Variants in PARD3B observed in about 807,000 individuals in gnomAD.
PARD3B encodes the protein par-3 family cell polarity regulator beta.
In PARD3B, 103 loss-of-function variants were observed where a neutral mutation model predicts 130.2. The ratio of observed to expected loss-of-function variants is 0.79; its 90% confidence interval spans 0.67 to 0.93. The LOEUF (loss-of-function observed/expected upper bound fraction) is 0.93, where lower values mean the gene tolerates loss of function less well. PARD3B is among the 40% of genes least tolerant of loss of function. PARD3B has a pLI of 0.00. For synonymous variants in PARD3B, 583 were observed against 553.2 expected (o/e 1.05, Z -0.76); for missense variants, 1,609 against 1,499.2 (o/e 1.07, Z -1.21).
intron 16 of PARD3B, among the ~76,000 whole-genome samples, chr2:205,262,679 C>T (rs1574535794): frequency 1.3e-5 from 2 of 152,044 alleles, no homozygotes; most frequent in South Asian, 4.1e-4. Flanking sequence ...AGTTAAGATG[C>T]ATTCAGTGCA....
At chr2:204,658,956 G>T (rs2035719435) in intron 1 of PARD3B, among the ~76,000 whole-genome samples, 1 of 152,100 alleles carries the variant, frequency 6.6e-6, no homozygotes, top group Non-Finnish European at 1.5e-5. Context: ...CATTATCTCG[G>T]TTCCATTTCT....
intron 21 of PARD3B, among the ~76,000 whole-genome samples, chr2:205,521,399 T>A (rs1462619024): frequency 6.6e-6 from 1 of 152,108 alleles, no homozygotes; most frequent in African/African-American, 2.4e-5. Flanking sequence ...TACTGTCAAA[T>A]TTCATTCAGG....
intron 2 of PARD3B, among the ~76,000 whole-genome samples, chr2:204,766,894 A>G (rs1022291279): frequency 1.3e-4 from 19 of 150,296 alleles, no homozygotes; most frequent in Admixed American, 7.9e-4. Context: ...TTAGAAATTA[A>G]TGGTAATATT....
At chr2:204,756,815 A>G (rs1162688982) in intron 2 of PARD3B, among the ~76,000 whole-genome samples, 3 of 152,200 alleles carry the variant, frequency 2.0e-5, no homozygotes, top group African/African-American at 7.2e-5. Context: ...GGTTTGCTGC[A>G]TAAACTGCAT....
intron 4 of PARD3B, among the ~76,000 whole-genome samples, chr2:205,071,053 T>A (rs1167455752): frequency 6.6e-6 from 1 of 152,132 alleles, no homozygotes; most frequent in Non-Finnish European, 1.5e-5. Context: ...CAAAGTAAAT[T>A]TGTTTCTTGG....
At chr2:204,942,469 G>A (rs533268677) in intron 2 of PARD3B, among the ~76,000 whole-genome samples, 5 of 152,098 alleles carry the variant, frequency 3.3e-5, no homozygotes, top group Admixed American at 6.5e-5. Context: ...GGGACCACAA[G>A]CATTTTTGAG....
intron 3 of PARD3B, among the ~76,000 whole-genome samples, chr2:204,983,777 T>A (rs1379031950): frequency 6.6e-6 from 1 of 152,190 alleles, no homozygotes; most frequent in Non-Finnish European, 1.5e-5. Context: ...AGTATAGACA[T>A]TGTAAAATAA....
chr2:205,511,088 A>G (rs964323523), intron 21 of PARD3B, among the ~76,000 whole-genome samples: 6 of 152,236 alleles, frequency 3.9e-5, no homozygotes, highest in African/African-American at 1.2e-4. Context: ...ATATTCATCT[A>G]TAAGCACTAT....
In PARD3B at chr2:204,788,731, T is replaced by C. The variant is rs185025467; in HGVS notation, c.222+102449T>C. ...GTCACCTTAAAATATTGAGGTGAGA[T>C]GATTGCAAATTAGGAAGGAAAAGAC... On this transcript the variant is annotated intron_variant, in intron 2 of 22. Coordinates refer to ENST00000406610, the MANE Select transcript of PARD3B (RefSeq NM_001302769.2). Among the ~76,000 whole-genome samples, 4 of 152,210 alleles carry C rather than the reference T, an allele frequency of 2.6e-5. No individual in the cohort carries two copies. In the East Asian group the frequency reaches 5.8e-4, roughly 22 times the overall value.
chr2:205,289,217 A>G (rs1422020057), intron 16 of PARD3B, among the ~76,000 whole-genome samples: 1 of 152,196 alleles, frequency 6.6e-6, no homozygotes, highest in East Asian at 1.9e-4. Context: ...CTTAGACCAA[A>G]AAAAGTAGAA....
In PARD3B at chr2:205,440,461, G is replaced by A; in HGVS notation, c.2833G>A (p.Asp945Asn). Residue 945 changes from aspartate (D) to asparagine (N), a missense_variant, in exon 20 of 23, where the codon GAT becomes AAT. By Grantham distance (23) the Asp-to-Asn change is conservative. Coordinates refer to ENST00000406610, the MANE Select transcript of PARD3B (RefSeq NM_001302769.2). The surrounding 1 kb of genome is among the most constrained non-coding windows in gnomAD (Gnocchi z 4.2). ...TGCAATTGGATCAGTGTATGATATG[G>A]ATGATGATGAAATGGACCCCAATTA... ...TGAIGSVYDMDDDEMDPNYAR... is the reference protein window; with the variant it reads ...TGAIGSVYDMNDDEMDPNYAR... 1 of 1,614,048 alleles carries A rather than the reference G, an allele frequency of 6.2e-7. No homozygotes were observed. The highest frequency in any genetic ancestry group is 8.5e-7 in the Non-Finnish European group (1 of 1,179,964).
At chr2:205,323,221 T>G (rs2042817376) in intron 18 of PARD3B, among the ~76,000 whole-genome samples, 1 of 151,908 alleles carries the variant, frequency 6.6e-6, no homozygotes, top group South Asian at 2.1e-4. Context: ...ACACCCCCTT[T>G]TAACATTGTT....
chr2:205,079,114 C>A (rs369866854), intron 4 of PARD3B, among the ~76,000 whole-genome samples: 8 of 152,210 alleles, frequency 5.3e-5, no homozygotes, highest in African/African-American at 1.9e-4. Context: ...CTTTATACCA[C>A]TGAGTTGCCT....
At chr2:204,564,823 C>G (rs542058450) in intron 1 of PARD3B, among the ~76,000 whole-genome samples, 1 of 152,310 alleles carries the variant, frequency 6.6e-6, no homozygotes, top group African/African-American at 2.4e-5. Flanking sequence ...ATTTTAATAG[C>G]TTCGTCAGAT....
At chr2:205,063,871 G>A (rs753909422) in intron 4 of PARD3B, among the ~76,000 whole-genome samples, 1 of 152,034 alleles carries the variant, frequency 6.6e-6, no homozygotes, top group African/African-American at 2.4e-5. Flanking sequence ...TCTACCAACT[G>A]ACATACAGAA....
intron 2 of PARD3B, among the ~76,000 whole-genome samples, chr2:204,735,382 A>C (rs1177807094): frequency 6.6e-6 from 1 of 152,118 alleles, no homozygotes; most frequent in African/African-American, 2.4e-5. Context: ...TTTGAATCTA[A>C]ACCAAACTAA....
chr2:204,924,811 A>C (rs1687470673), intron 2 of PARD3B, among the ~76,000 whole-genome samples: 1 of 152,090 alleles, frequency 6.6e-6, no homozygotes, highest in Non-Finnish European at 1.5e-5. Context: ...GTAAGTGCCG[A>C]ATTGGATTCA....
At chr2:204,905,776 T>C (rs1220092829) in intron 2 of PARD3B, among the ~76,000 whole-genome samples, 2 of 152,126 alleles carry the variant, frequency 1.3e-5, no homozygotes, top group Non-Finnish European at 2.9e-5. Context: ...TCCTACTTAA[T>C]GTGCTCAAGA....
At chr2:205,061,572 A>G (rs534708537) in intron 4 of PARD3B, among the ~76,000 whole-genome samples, 25 of 152,172 alleles carry the variant, frequency 1.6e-4, no homozygotes, top group African/African-American at 5.1e-4. Flanking sequence ...CGTATGTTGG[A>G]TTTGTGCCAT....
Sources: gnomAD v4.1 joint callset for allele counts (sites outside exome capture counted in the v4.1 genomes callset) on GRCh38, gnomAD v4.1.1 for gene constraint, Gnocchi (gnomAD v3.1) non-coding constraint, MANE v1.5 for transcripts, NCBI Gene and HGNC (gene_info 2026-07-23, HGNC 2026-07-21) for gene names.